Variants in SH3RF1 observed in about 807,000 individuals in gnomAD.
SH3RF1 encodes E3 ubiquitin-protein ligase SH3RF1.
Under a neutral mutation model 74.0 loss-of-function variants are expected in SH3RF1, and 32 were observed. The ratio of observed to expected loss-of-function variants is 0.43; its 90% CI spans 0.33 to 0.58. The LOEUF is 0.58. SH3RF1 is among the 20% of genes least tolerant of loss of function. SH3RF1 has a pLI of 0.05. For missense variants in SH3RF1, 954 were observed against 1,130.9 expected (o/e 0.84, Z 2.24); for synonymous variants, 396 against 439.6 (o/e 0.90, Z 1.24).
At chr4:169,157,022 A>T (rs1419898874) in intron 2 of SH3RF1, among the ~76,000 whole-genome samples, 2 of 152,244 alleles carry the variant, frequency 1.3e-5, no homozygotes, top group South Asian at 2.1e-4. Flanking sequence ...ATAAAAAACA[A>T]GCTTAACTTC....
intron 2 of SH3RF1, among the ~76,000 whole-genome samples, chr4:169,249,499 T>C (rs1271323588): frequency 6.6e-6 from 1 of 152,212 alleles, no homozygotes; most frequent in African/African-American, 2.4e-5. Flanking sequence ...TATATTTGTT[T>C]TTACAAATTT....
At chr4:169,175,657 G>A (rs772007794) in intron 2 of SH3RF1, among the ~76,000 whole-genome samples, 6 of 151,990 alleles carry the variant, frequency 3.9e-5, no homozygotes, top group African/African-American at 9.7e-5. Flanking sequence ...TACCCTGCTC[G>A]TTTTCTTCAT....
At chr4:169,133,132 G>A (rs189125075) in intron 5 of SH3RF1, among the ~76,000 whole-genome samples, 1 of 152,252 alleles carries the variant, frequency 6.6e-6, no homozygotes, top group African/African-American at 2.4e-5. Context: ...CACTTATATG[G>A]TGTAGACATG....
chr4:169,251,415 G>A (rs147337585), intron 2 of SH3RF1, among the ~76,000 whole-genome samples: 11 of 152,234 alleles, frequency 7.2e-5, no homozygotes, highest in African/African-American at 2.2e-4. Context: ...CCTTAAAATC[G>A]TGCACAAAAC....
At chr4:169,192,786 T>C (rs569738373) in intron 2 of SH3RF1, among the ~76,000 whole-genome samples, 4 of 147,230 alleles carry the variant, frequency 2.7e-5, no homozygotes, top group African/African-American at 7.7e-5. Flanking sequence ...TATATACATA[T>C]ATGTTTCTTT....
chr4:169,119,278 A>AT (rs11397253), intron 8 of SH3RF1, among the ~76,000 whole-genome samples: 12,964 of 66,438 alleles, frequency 0.2, 2,020 homozygotes, highest in African/African-American at 0.27. Context: ...TAATTTTTGT[A>AT]TTTTTTTTTT....
intron 2 of SH3RF1, among the ~76,000 whole-genome samples, chr4:169,169,337 C>G (rs1734290261): frequency 6.6e-6 from 1 of 152,156 alleles, no homozygotes; most frequent in Admixed American, 6.5e-5. Flanking sequence ...CAGCTCACAC[C>G]TGTAATCCCA....
chr4:169,098,418 C>A (rs1014027917), intron 11 of SH3RF1, among the ~76,000 whole-genome samples: 3 of 152,170 alleles, frequency 2.0e-5, no homozygotes, highest in African/African-American at 7.2e-5. Context: ...CCTATTACAG[C>A]CTGCCCCTTT....
chr4:169,106,145 C>T (rs1380640137), intron 11 of SH3RF1, among the ~76,000 whole-genome samples: 1 of 151,658 alleles, frequency 6.6e-6, no homozygotes, highest in Non-Finnish European at 1.5e-5. Context: ...TGGAGTCCTG[C>T]TCTGTCACCC....
chr4:169,227,029 C>T (rs557224980), intron 2 of SH3RF1, among the ~76,000 whole-genome samples: 1 of 151,894 alleles, frequency 6.6e-6, no homozygotes, highest in Admixed American at 6.6e-5. Flanking sequence ...AGCCAGGCGT[C>T]GGGGCACAAA....
At chr4:169,102,486 T>A (rs987172090) in intron 11 of SH3RF1, among the ~76,000 whole-genome samples, 1 of 152,026 alleles carries the variant, frequency 6.6e-6, no homozygotes, top group Non-Finnish European at 1.5e-5. Context: ...CAGATAAAGA[T>A]GACTTGCTGT....
rs147893762 is a variant in SH3RF1 at position 169,122,812 on chromosome 4, C to CTTAT, written c.1180-550_1180-547dup. Among the ~76,000 whole-genome samples, 1,134 of 152,234 alleles carry CTTAT rather than the reference C, an allele frequency of 7.4e-3. 18 individuals carry two copies. The highest frequency in any genetic ancestry group is 0.026 in the African/African-American group (1,087 of 41,540). On this transcript the variant is annotated intron_variant, in intron 6 of 11. Transcript: ENST00000284637. The stretch of plus-strand genomic sequence containing the variant: ...CACTGGACCATTGTTGCTACTTTTG[C>CTTAT]TTATTCTTTTCTTAACTTTGCCAGC...
At chr4:169,171,164 G>A (rs1734321112) in intron 2 of SH3RF1, among the ~76,000 whole-genome samples, 1 of 152,160 alleles carries the variant, frequency 6.6e-6, no homozygotes, top group African/African-American at 2.4e-5. Context: ...TTCAAACTGG[G>A]TTCAAATGAG....
intron 10 of SH3RF1, among the ~76,000 whole-genome samples, chr4:169,114,495 G>A (rs1485647229): frequency 6.6e-6 from 1 of 151,996 alleles, no homozygotes; most frequent in Non-Finnish European, 1.5e-5. Flanking sequence ...GGGATCAGGA[G>A]GTGGACATCC....
intron 10 of SH3RF1, among the ~76,000 whole-genome samples, chr4:169,108,218 T>C (rs1733179952): frequency 6.6e-6 from 1 of 152,210 alleles, no homozygotes; most frequent in African/African-American, 2.4e-5. Context: ...AAACACTTCA[T>C]AGAGAACTAT....
intron 4 of SH3RF1, among the ~76,000 whole-genome samples, chr4:169,145,024 G>A (rs1408865405): frequency 6.6e-6 from 1 of 152,068 alleles, no homozygotes; most frequent in Non-Finnish European, 1.5e-5. Flanking sequence ...AATGAAAAAG[G>A]CAAAGAGTTT....
rs56229906 is a variant in SH3RF1 at position 169,255,622 on chromosome 4, T to TACACACACACACACACACAC, written c.393+13178_393+13197dup. Among the ~76,000 whole-genome samples the TACACACACACACACACACAC allele has an allele frequency of 7.4e-3, 916 of 124,506 alleles. 18 individuals carry two copies. The highest frequency in any genetic ancestry group is 0.022 in the South Asian group (71 of 3,244). The allele number at this position is 124,506 out of a possible 152,430, so 81.7% of individuals were successfully genotyped here. ...ATACATACACACATACATACACACA[T>TACACACACACACACACACAC]ACACACACACACACACACACACACA... On this transcript the variant is annotated intron_variant, in intron 2 of 11. Coordinates refer to ENST00000284637, the MANE Select transcript of SH3RF1 (RefSeq NM_020870.4).
rs186389038 is a variant in SH3RF1, at chr4:169,254,676, A to G, written c.393+14144T>C. Reference sequence around the variant, plus strand: ...CAGCAACGTAGTGAGTTATTTTTAAAGGTACATAACATGAGGATGTAAAAA... The same window carrying G: ...CAGCAACGTAGTGAGTTATTTTTAAGGGTACATAACATGAGGATGTAAAAA... On this transcript the variant is annotated intron_variant, in intron 2 of 11. Coordinates refer to ENST00000284637, the MANE Select transcript of SH3RF1 (RefSeq NM_020870.4). Among the ~76,000 whole-genome samples the G allele has an allele frequency of 1.9e-3, 296 of 152,310 alleles. 2 individuals are homozygous for G. The highest frequency in any genetic ancestry group is 4.2e-3 in the Admixed American group (64 of 15,290).
intron 2 of SH3RF1, among the ~76,000 whole-genome samples, chr4:169,222,912 C>T (rs538113175): frequency 1.2e-4 from 18 of 152,286 alleles, no homozygotes; most frequent in African/African-American, 3.9e-4. Flanking sequence ...GCCAAATGGG[C>T]GGCTATAAAT....
Sources: allele counts gnomAD v4.1 joint callset (sites outside exome capture counted in the v4.1 genomes callset), GRCh38; gene constraint gnomAD v4.1.1; transcripts MANE v1.5; gene names NCBI Gene and HGNC (gene_info 2026-07-23, HGNC 2026-07-21).